The following SPATA17 variants were observed in gnomAD, a reference collection of about 807,000 sequenced individuals.
The protein encoded by SPATA17 is spermatogenesis-associated protein 17.
Under a neutral mutation model 62.2 loss-of-function variants are expected in SPATA17, and 53 were observed. The observed-to-expected ratio is 0.85, with a 90% CI of 0.68 to 1.07. The LOEUF is 1.07. SPATA17 is among the 50% of genes least tolerant of loss of function. The pLI, the probability that SPATA17 is intolerant of heterozygous loss-of-function variation, is 0.00. For synonymous variants in SPATA17, 146 were observed against 146.8 expected, an observed-to-expected ratio of 0.99 and a Z score of 0.04; for missense variants, 466 against 425.5, an observed-to-expected ratio of 1.10 and a Z score of -0.84.
chr1:217,750,033 A>G (rs1672869778), intron 6 of SPATA17, among the ~76,000 whole-genome samples: 1 of 116,550 alleles, frequency 8.6e-6, no homozygotes, highest in Non-Finnish European at 1.7e-5. Flanking sequence ...ACTTCTGGTG[A>G]TTTGCCATAT....
intron 3 of SPATA17, among the ~76,000 whole-genome samples, chr1:217,663,070 A>G (rs1008069439): frequency 6.6e-6 from 1 of 152,212 alleles, no homozygotes; most frequent in Non-Finnish European, 1.5e-5. Flanking sequence ...ACCTAATCTT[A>G]AAGATAATAT....
At chr1:217,719,989 G>C (rs1238367341) in intron 5 of SPATA17, among the ~76,000 whole-genome samples, 1 of 152,200 alleles carries the variant, frequency 6.6e-6, no homozygotes, top group African/African-American at 2.4e-5. Context: ...CTTTGTTGGA[G>C]TATGAGCAAA....
intron 5 of SPATA17, among the ~76,000 whole-genome samples, chr1:217,709,179 G>A (rs1481457548): frequency 4.6e-5 from 7 of 152,038 alleles, no homozygotes; most frequent in African/African-American, 1.2e-4. Context: ...AAAATCACTG[G>A]GATCAGGACT....
chr1:217,712,775 G>A (rs918063934), intron 5 of SPATA17, among the ~76,000 whole-genome samples: 10 of 152,038 alleles, frequency 6.6e-5, no homozygotes, highest in African/African-American at 2.2e-4. Flanking sequence ...AAGCAGAATC[G>A]ACCTCAGGTG....
intron 1 of SPATA17, among the ~76,000 whole-genome samples, chr1:217,637,728 T>A (rs1669973454): frequency 6.6e-6 from 1 of 152,132 alleles, no homozygotes; most frequent in African/African-American, 2.4e-5. Flanking sequence ...TAGATGTGAG[T>A]CCCTTCCCCT....
At chr1:217,752,407 A>G (rs1672938030) in intron 6 of SPATA17, among the ~76,000 whole-genome samples, 1 of 152,184 alleles carries the variant, frequency 6.6e-6, no homozygotes, top group South Asian at 2.1e-4. Flanking sequence ...ACATCTTAAA[A>G]TCTAAAAATA....
chr1:217,805,139 C>A (rs1674401651), intron 9 of SPATA17, among the ~76,000 whole-genome samples: 1 of 152,156 alleles, frequency 6.6e-6, no homozygotes, highest in African/African-American at 2.4e-5. Flanking sequence ...AAATTATTCA[C>A]TGAATGACAA....
chr1:217,832,251 T>C (rs976387074), intron 9 of SPATA17, among the ~76,000 whole-genome samples: 1 of 152,126 alleles, frequency 6.6e-6, no homozygotes, highest in Non-Finnish European at 1.5e-5. Context: ...TAAGTTTCCA[T>C]GTTCATGGCT....
intron 9 of SPATA17, among the ~76,000 whole-genome samples, chr1:217,846,298 T>G (rs1228525250): frequency 6.6e-6 from 1 of 152,098 alleles, no homozygotes; most frequent in Non-Finnish European, 1.5e-5. Flanking sequence ...TGCTAAAGAA[T>G]GTTTTCATAA....
At chr1:217,651,801 C>G (rs1335414587) in intron 3 of SPATA17, among the ~76,000 whole-genome samples, 2 of 152,060 alleles carry the variant, frequency 1.3e-5, no homozygotes, top group Non-Finnish European at 2.9e-5. Context: ...TTTATACTAG[C>G]TATTATTTAT....
In SPATA17 at chr1:217,871,475, G is replaced by C. The variant is rs1004511792; in HGVS notation, c.*4456G>C. On this transcript the variant is annotated 3_prime_UTR_variant, in exon 11 of 11. Coordinates refer to ENST00000366933, the MANE Select transcript of SPATA17 (RefSeq NM_138796.4). ...GCTCAAAGCCTTTTAGGAACAATAAGTTACTGAATTATATGAACCTATTTG... is the reference window on the plus strand; with the variant it reads ...GCTCAAAGCCTTTTAGGAACAATAACTTACTGAATTATATGAACCTATTTG... 1 of 151,906 alleles carries C rather than the reference G, an allele frequency of 6.6e-6. No homozygotes were observed. Among genetic ancestry groups the C allele is most frequent in the Admixed American group, 6.6e-5 (1 of 15,240 alleles). The allele number at this position is 151,906 out of a possible 1,614,324, so 9.4% of individuals were successfully genotyped here. A position where few individuals can be genotyped will look rare whatever the true frequency, so the allele number is the denominator to read the frequency against.
intron 5 of SPATA17, chr1:217,737,932 C>G (rs556026833): frequency 6.6e-6 from 1 of 152,214 alleles, no homozygotes; most frequent in Non-Finnish European, 1.5e-5. Flanking sequence ...TCAAGCGATT[C>G]TCCTGCCTGA....
At chr1:217,865,556 A>T (rs980019948) in intron 10 of SPATA17, among the ~76,000 whole-genome samples, 1 of 152,144 alleles carries the variant, frequency 6.6e-6, no homozygotes, top group Admixed American at 6.6e-5. Flanking sequence ...AATGGTCACT[A>T]TTTGTAACTT....
At position 217,748,692 on chromosome 1, in the gene SPATA17, CGA is replaced by C. The variant is rs1168909940; in HGVS notation, c.519+6597_519+6598del. Among the ~76,000 whole-genome samples the C allele has an allele frequency of 2.0e-5, 3 of 147,880 alleles. No homozygotes were observed. The East Asian group carries it at 6.0e-4, about 30-fold the overall frequency. On this transcript the variant is annotated intron_variant, in intron 6 of 10. Coordinates refer to ENST00000366933, the MANE Select transcript of SPATA17 (RefSeq NM_138796.4). The stretch of plus-strand genomic sequence containing the variant: ...CTGGGAGGCAGAGGTTGCAGTGAGC[CGA>C]GATCACGCCACTGCACTCCAGCCTG...
chr1:217,795,488 G>A (rs1279991570), intron 8 of SPATA17, among the ~76,000 whole-genome samples: 2 of 146,732 alleles, frequency 1.4e-5, no homozygotes, highest in Non-Finnish European at 3.0e-5. Flanking sequence ...TTCTGCCTCA[G>A]TCTCCCAAGT....
In SPATA17 at chr1:217,774,426, T is replaced by G. The variant is rs370046365; in HGVS notation, c.612T>G (p.Pro204=). ...CAAAGCCTTTAACACACCGAAGACC[T>G]AAAGTTAAGCAGAAGGACTCCACCA... ...QKAKPLTHRR[P]KVKQKDSTSL... is the part of the protein sequence containing the mutation. Residue 204 remains proline, a synonymous_variant, in exon 7 of 11, where the codon CCT becomes CCG. Transcript: ENST00000366933. 1.3e-4 allele frequency: 204 copies of G among 1,614,068 alleles called. No homozygotes were observed. Among genetic ancestry groups the G allele is most frequent in the Non-Finnish European group, 1.7e-4 (199 of 1,179,986 alleles).
intron 6 of SPATA17, among the ~76,000 whole-genome samples, chr1:217,757,300 T>G (rs760102868): frequency 6.6e-6 from 1 of 152,162 alleles, no homozygotes; most frequent in Non-Finnish European, 1.5e-5. Flanking sequence ...AAATTAGTAA[T>G]GAAAGCTGAA....
intron 5 of SPATA17, among the ~76,000 whole-genome samples, chr1:217,732,752 T>A (rs1236212226): frequency 6.6e-6 from 1 of 152,034 alleles, no homozygotes; most frequent in African/African-American, 2.4e-5. Flanking sequence ...TAGAATGTTG[T>A]GAGGCTGAAT....
At chr1:217,806,495 C>T (rs1209637872) in intron 9 of SPATA17, among the ~76,000 whole-genome samples, 3 of 152,142 alleles carry the variant, frequency 2.0e-5, no homozygotes, top group Non-Finnish European at 4.4e-5. Flanking sequence ...GAATAGTGGT[C>T]CAGTCCCTGT....
Sources: allele counts gnomAD v4.1 joint callset (sites outside exome capture counted in the v4.1 genomes callset), GRCh38; gene constraint gnomAD v4.1.1; transcripts MANE v1.5; gene names NCBI Gene and HGNC (gene_info 2026-07-23, HGNC 2026-07-21).